The following PRKAR1A variants were observed in gnomAD, a reference collection of about 807,000 sequenced individuals.
The protein encoded by PRKAR1A is protein kinase cAMP-dependent type I regulatory subunit alpha, also known as cAMP-dependent protein kinase type I-alpha regulatory subunit.
A neutral mutation model predicts 52.0 loss-of-function variants in PRKAR1A; 3 were observed. The ratio of observed to expected loss-of-function variants is 0.06; its 90% CI spans 0.03 to 0.15. The LOEUF (loss-of-function observed/expected upper bound fraction) is 0.15. PRKAR1A is among the 10% of genes least tolerant of loss of function. The pLI is 1.00. For missense variants in PRKAR1A, 240 were observed against 477.4 expected (o/e 0.50, Z 4.63); for synonymous variants, 188 against 168.4 (o/e 1.12, Z -0.90).
the PRKAR1A span, among the ~76,000 whole-genome samples, chr17:68,422,948 C>A: frequency 7.9e-5 from 12 of 152,014 alleles, no homozygotes; most frequent in African/African-American, 2.9e-4. Flanking sequence ...GCTCTCAGAG[C>A]AAAAGTAAAT....
chr17:68,488,034 C>T, the PRKAR1A span, among the ~76,000 whole-genome samples: 9 of 151,824 alleles, frequency 5.9e-5, no homozygotes, highest in Non-Finnish European at 1.2e-4. Flanking sequence ...TACGTCAGAT[C>T]GTGATAAATA....
chr17:68,429,891 G>A, the PRKAR1A span: 1 of 1,545,152 alleles, frequency 6.5e-7, no homozygotes, highest in East Asian at 2.3e-5. Flanking sequence ...GCCCAGCCTG[G>A]GGCAAGTTTT....
At chr17:68,470,372 GC>G in the PRKAR1A span, among the ~76,000 whole-genome samples, 1 of 152,182 alleles carries the variant, frequency 6.6e-6, no homozygotes, top group Admixed American at 6.5e-5. Context: ...GAGCCACCGT[GC>G]CCGGCCCATC....
At chr17:68,454,292 G>A in the PRKAR1A span, among the ~76,000 whole-genome samples, 37 of 152,302 alleles carry the variant, frequency 2.4e-4, no homozygotes, top group African/African-American at 5.1e-4. Flanking sequence ...GGAAGGCAAG[G>A]TGAAATTCAC....
the PRKAR1A span, among the ~76,000 whole-genome samples, chr17:68,458,325 G>C: frequency 6.6e-6 from 1 of 152,224 alleles, no homozygotes; most frequent in African/African-American, 2.4e-5. Flanking sequence ...AACAGTAAAT[G>C]GTAGAATGTC....
chr17:68,491,731 A>G, the PRKAR1A span, among the ~76,000 whole-genome samples: 1 of 152,150 alleles, frequency 6.6e-6, no homozygotes, highest in Non-Finnish European at 1.5e-5. Context: ...GGCTTGGAGT[A>G]AGAACTCACA....
the PRKAR1A span, among the ~76,000 whole-genome samples, chr17:68,414,860 GT>G: frequency 6.6e-6 from 1 of 152,024 alleles, no homozygotes. Flanking sequence ...TTGTATTTTT[GT>G]GATGTCTGTT....
chr17:68,528,956 G>A lies in PRKAR1A; in HGVS notation c.856G>A (p.Gly286Arg). 6.2e-7 allele frequency: 1 copy of A among 1,613,944 alleles called. No homozygotes were observed. Among genetic ancestry groups the A allele is most frequent in the Non-Finnish European group, 8.5e-7 (1 of 1,179,884 alleles). The change falls in exon 9 of 11, where the codon GGA (glycine) becomes AGA (arginine). Residue 286 changes from glycine to arginine, a missense_variant. Around this residue, in one of 4 missense-constraint regions of PRKAR1A, gnomAD observed 107 missense variants for 290.9 expected, o/e 0.37. Transcript: ENST00000589228. ...FEDGQKIVVQGEPGDEFFIIL... is the reference protein window; with the variant it reads ...FEDGQKIVVQREPGDEFFIIL... ...AGATGGGCAGAAGATTGTGGTGCAG[G>A]GAGAACCAGGGGATGAGTTCTTCAT... is the stretch of plus-strand genomic sequence containing the variant.
At chr17:68,434,697 AGTTT>A in the PRKAR1A span, 1 of 1,520,508 alleles carries the variant, frequency 6.6e-7, no homozygotes, top group Non-Finnish European at 9.0e-7. Flanking sequence ...TTTAGAGAGG[AGTTT>A]GTTTTATTGG....
chr17:68,535,984 CTG>C (rs1331225980), downstream of PRKAR1A: 3 of 454,062 alleles, frequency 6.6e-6, no homozygotes, highest in African/African-American at 6.0e-5. Flanking sequence ...GGGGTTGTAT[CTG>C]TGTTTGAGAG....
chr17:68,533,977 A>C (rs759414766), downstream of PRKAR1A, among the ~76,000 whole-genome samples: 1 of 152,102 alleles, frequency 6.6e-6, no homozygotes, highest in Non-Finnish European at 1.5e-5. Context: ...TGCCCACCTT[A>C]GCCTCCCAAA....
At chr17:68,475,599 G>C in the PRKAR1A span, among the ~76,000 whole-genome samples, 1 of 152,188 alleles carries the variant, frequency 6.6e-6, no homozygotes, top group African/African-American at 2.4e-5. Context: ...GAGTAGCTGG[G>C]ACTACAGGCG....
chr17:68,465,807 A>C, the PRKAR1A span, among the ~76,000 whole-genome samples: 1 of 151,834 alleles, frequency 6.6e-6, no homozygotes, highest in Non-Finnish European at 1.5e-5. Context: ...TGTATAGGCA[A>C]TGGTGATTCA....
At position 68,529,951 on chromosome 17, in the gene PRKAR1A, A is replaced by G. The variant is rs753294119; in HGVS notation, c.923A>G (p.Glu308Gly). 2 of 1,614,162 alleles carry G rather than the reference A, an allele frequency of 1.2e-6. No homozygotes were observed. Among genetic ancestry groups the G allele is most frequent in the Non-Finnish European group, 1.7e-6 (2 of 1,179,992 alleles). ...GCTGCTGTGCTACAACGTCGGTCAG[A>G]AAATGAAGAGTTTGTTGAAGTGGGA... The part of the protein sequence containing the change: ...GSAAVLQRRS[E>G]NEEFVEVGRL... Residue 308 changes from glutamate to glycine, a missense_variant, in exon 10 of 11, where the codon GAA becomes GGA. Transcript: ENST00000589228.
chr17:68,447,210 G>A, the PRKAR1A span, among the ~76,000 whole-genome samples: 17 of 152,266 alleles, frequency 1.1e-4, no homozygotes, highest in African/African-American at 4.1e-4. Context: ...TGGATAGCAA[G>A]GGCCCCTGGG....
At chr17:68,538,606 T>G (rs2086164587) in intron 11 of PRKAR1A, among the ~76,000 whole-genome samples, 1 of 152,244 alleles carries the variant, frequency 6.6e-6, no homozygotes, top group Non-Finnish European at 1.5e-5. Context: ...CGTGCCTTCT[T>G]CCAGTCTGCA....
chr17:68,529,622 G>C (rs1219570356), intron 9 of PRKAR1A, among the ~76,000 whole-genome samples: 1 of 152,230 alleles, frequency 6.6e-6, no homozygotes, highest in African/African-American at 2.4e-5. Flanking sequence ...ATGAATGTAT[G>C]TGGTATTTCA....
the PRKAR1A span, chr17:68,426,247 A>AGGGGGGGGGGGGGGG: frequency 3.0e-6 from 2 of 655,812 alleles, no homozygotes; most frequent in African/African-American, 2.1e-5. Context: ...GCGGGTGGGG[A>AGGGGGGGGGGGGGGG]GCGGGGGCTC....
the PRKAR1A span, among the ~76,000 whole-genome samples, chr17:68,476,648 A>T: frequency 7.0e-6 from 1 of 143,170 alleles, no homozygotes; most frequent in Admixed American, 7.1e-5. Context: ...CCCTCCCTCC[A>T]TCCCTCCCTC....
Sources: gnomAD v4.1 joint callset for allele counts (sites outside exome capture counted in the v4.1 genomes callset) on GRCh38, gnomAD v4.1.1 for gene constraint, gnomAD v4.1.1 regional missense constraint, MANE v1.5 for transcripts, NCBI Gene and HGNC (gene_info 2026-07-23, HGNC 2026-07-21) for gene names.